ATF7IP: variants seen among roughly 807,000 people sequenced by gnomAD.
ATF7IP encodes the protein activating transcription factor 7 interacting protein.
In ATF7IP, 23 loss-of-function variants were observed where a neutral mutation model predicts 106.4. The ratio of observed to expected loss-of-function variants is 0.22; its 90% confidence interval spans 0.16 to 0.31. ATF7IP has a LOEUF of 0.31. Among genes scored for constraint, ATF7IP ranks in the 10% least tolerant of loss-of-function variants. The pLI, the probability that ATF7IP is intolerant of heterozygous loss-of-function variation, is 1.00. For missense variants in ATF7IP, 1,334 were observed against 1,524.3 expected, an observed-to-expected ratio of 0.88 and a Z score of 2.08; for synonymous variants, 542 against 539.0, an observed-to-expected ratio of 1.01 and a Z score of -0.08.
intron 3 of ATF7IP, 92 bp downstream of exon 3, chr12:14,434,515 G>T (rs898645264): frequency 1.3e-5 from 11 of 878,178 alleles, no homozygotes; most frequent in Admixed American, 3.0e-5. Flanking sequence ...TTTTGCCCAT[G>T]AAATAATTGT....
chr12:14,490,285 G>C (rs1270639579), intron 13 of ATF7IP, among the ~76,000 whole-genome samples: 1 of 152,148 alleles, frequency 6.6e-6, no homozygotes, highest in Non-Finnish European at 1.5e-5. Flanking sequence ...GTTACCCATT[G>C]GTGAGCATTC....
intron 1 of ATF7IP, among the ~76,000 whole-genome samples, chr12:14,391,754 T>C (rs1939565972): frequency 6.6e-6 from 1 of 152,212 alleles, no homozygotes; most frequent in African/African-American, 2.4e-5. Context: ...AGAGTTTTGC[T>C]CTTGTTGCCC....
chr12:14,462,949 ATT>A (rs1943698079), intron 9 of ATF7IP, among the ~76,000 whole-genome samples: 1 of 151,912 alleles, frequency 6.6e-6, no homozygotes, highest in Admixed American at 6.6e-5. Context: ...CAAGCTTTGT[ATT>A]TTTTTCATAA....
chr12:14,400,473 G>A (rs1013662756), intron 1 of ATF7IP, among the ~76,000 whole-genome samples: 2 of 152,028 alleles, frequency 1.3e-5, no homozygotes, highest in African/African-American at 2.4e-5. Flanking sequence ...GAAATTAATA[G>A]GATTAATATT....
At chr12:14,446,744 A>C (rs1942978134) in intron 5 of ATF7IP, among the ~76,000 whole-genome samples, 1 of 152,216 alleles carries the variant, frequency 6.6e-6, no homozygotes, top group African/African-American at 2.4e-5. Context: ...TTCGAGGAAG[A>C]AATAGGCTAA....
At chr12:14,375,546 A>T (rs1017101893) in intron 1 of ATF7IP, among the ~76,000 whole-genome samples, 1 of 152,194 alleles carries the variant, frequency 6.6e-6, no homozygotes, top group Non-Finnish European at 1.5e-5. Context: ...AATAAATAAA[A>T]AAATGAAGAA....
rs778932049 is a variant in ATF7IP, at chr12:14,457,314, AC to A, written c.2158+21del. 1 of 1,515,092 alleles carries A rather than the reference AC, an allele frequency of 6.6e-7. No individual in the cohort carries two copies. The allele number at this position is 1,515,092 out of a possible 1,614,324, so 93.9% of individuals were successfully genotyped here. A position where few individuals can be genotyped will look rare whatever the true frequency, so the allele number is the denominator to read the frequency against. On this transcript the variant is annotated intron_variant, in intron 8 of 14. Coordinates refer to ENST00000261168, the MANE Select transcript of ATF7IP (RefSeq NM_018179.5). The stretch of plus-strand genomic sequence containing the variant: ...AATACAGGTAACTTTTTTTTTAAAT[AC>A]CAAAATACATTTTCTTAGGAATTAA...
intron 2 of ATF7IP, among the ~76,000 whole-genome samples, chr12:14,432,975 G>C (rs1295435611): frequency 6.6e-6 from 1 of 151,996 alleles, no homozygotes; most frequent in African/African-American, 2.4e-5. Flanking sequence ...AGAACGTTTT[G>C]GTACCTCTTG....
chr12:14,377,457 G>A (rs1258698139), intron 1 of ATF7IP, among the ~76,000 whole-genome samples: 4 of 150,934 alleles, frequency 2.7e-5, no homozygotes, highest in South Asian at 2.1e-4. Context: ...CCAGGTTCAC[G>A]CCATTCTCCT....
intron 8 of ATF7IP, among the ~76,000 whole-genome samples, chr12:14,458,560 G>A (rs528852066): frequency 1.5e-4 from 23 of 152,142 alleles, no homozygotes; most frequent in African/African-American, 5.1e-4. Flanking sequence ...GGTGGCTTAC[G>A]ACTGTAATCC....
At chr12:14,458,362 A>G (rs1046388228) in intron 8 of ATF7IP, among the ~76,000 whole-genome samples, 3 of 152,336 alleles carry the variant, frequency 2.0e-5, no homozygotes, top group Non-Finnish European at 2.9e-5. Context: ...GCTGAAGCAT[A>G]TGAAAGAAAT....
chr12:14,422,357 A>AAC, intron 1 of ATF7IP, among the ~76,000 whole-genome samples: 1 of 134,174 alleles, frequency 7.5e-6, no homozygotes, highest in East Asian at 2.2e-4. Flanking sequence ...ACACACACAC[A>AAC]ACCTTTGTAT....
chr12:14,499,402 T>C lies in ATF7IP; in HGVS notation c.*1329T>C, dbSNP rs1945103353. ...TTTTCACACATTTTAGTATCCGTGTTGCACACTGTGTTAGAGATTATGAAA... is the reference window on the plus strand; with the variant it reads ...TTTTCACACATTTTAGTATCCGTGTCGCACACTGTGTTAGAGATTATGAAA... On this transcript the variant is annotated 3_prime_UTR_variant, in exon 15 of 15. Coordinates refer to ENST00000261168, the MANE Select transcript of ATF7IP (RefSeq NM_018179.5). 1 of 152,260 alleles carries C rather than the reference T, an allele frequency of 6.6e-6. No individual in the cohort carries two copies. Among genetic ancestry groups the C allele is most frequent in the African/African-American group, 2.4e-5 (1 of 41,468 alleles). The allele number at this position is 152,260 out of a possible 1,614,324, so 9.4% of individuals were successfully genotyped here. A position where few individuals can be genotyped will look rare whatever the true frequency, so the allele number is the denominator to read the frequency against.
At chr12:14,448,398 A>T in intron 6 of ATF7IP, among the ~76,000 whole-genome samples, 1 of 152,146 alleles carries the variant, frequency 6.6e-6, no homozygotes, top group East Asian at 1.9e-4. Flanking sequence ...TTCATTGTGC[A>T]TTTATGTCTG....
intron 1 of ATF7IP, chr12:14,384,924 G>A (rs1392591610): frequency 7.3e-6 from 1 of 137,608 alleles, no homozygotes; most frequent in Non-Finnish European, 1.5e-5. Context: ...TTTTTTTTCT[G>A]GACTGAAATG....
chr12:14,418,146 A>T (rs889275997), intron 1 of ATF7IP, among the ~76,000 whole-genome samples: 1 of 152,106 alleles, frequency 6.6e-6, no homozygotes, highest in South Asian at 2.1e-4. Context: ...TGAAAAAAAA[A>T]TTTCCAAGCC....
chr12:14,378,277 A>T (rs7134321), intron 1 of ATF7IP, among the ~76,000 whole-genome samples: 85,685 of 151,402 alleles, frequency 0.57, 24,645 homozygotes, highest in African/African-American at 0.67. Flanking sequence ...TTTGTATTTT[A>T]AGTAGAGATG....
intron 1 of ATF7IP, among the ~76,000 whole-genome samples, chr12:14,366,209 T>C (rs1938289164): frequency 6.6e-6 from 1 of 152,256 alleles, no homozygotes; most frequent in African/African-American, 2.4e-5. Context: ...AGCTCTTCTC[T>C]GTTTTTTCGA....
chr12:14,416,918 A>G (rs1460982077), intron 1 of ATF7IP: 1 of 985,134 alleles, frequency 1.0e-6, no homozygotes, highest in African/African-American at 1.7e-5. Context: ...TATATAAACT[A>G]AGAGTATGGC....
Sources: gnomAD v4.1 joint callset for allele counts (sites outside exome capture counted in the v4.1 genomes callset) on GRCh38, gnomAD v4.1.1 for gene constraint, MANE v1.5 for transcripts, NCBI Gene and HGNC (gene_info 2026-07-23, HGNC 2026-07-21) for gene names.